Variants in H2BC18 observed in about 807,000 individuals in gnomAD.
The protein encoded by H2BC18 is histone H2B type 2-F.
In H2BC18, 8 loss-of-function variants were observed where a neutral mutation model predicts 6.3. That is an observed-to-expected ratio of 1.28 (90% CI 0.75 to 2.31). The LOEUF is 2.31. H2BC18 is among the 30% of genes most tolerant of loss of function. The probability of loss-of-function intolerance (pLI) is 0.00; values close to 1 mark genes in which losing one functional copy is unlikely to be tolerated. For synonymous variants in H2BC18, 104 were observed against 78.1 expected, an observed-to-expected ratio of 1.33 and a Z score of -1.75; for missense variants, 106 against 174.5, an observed-to-expected ratio of 0.61 and a Z score of 2.21.
At chr1:149,805,088 T>C (rs1553753752) in intron 1 of H2BC18, among the ~76,000 whole-genome samples, 2 of 152,402 alleles carry the variant, frequency 1.3e-5, no homozygotes, top group Admixed American at 1.3e-4. Flanking sequence ...ACCTCTTCTG[T>C]ATCCATCTGG....
chr1:149,806,998 G>A (rs1274620728), downstream of H2BC18, among the ~76,000 whole-genome samples: 2 of 152,036 alleles, frequency 1.3e-5, no homozygotes, highest in Non-Finnish European at 2.9e-5. Flanking sequence ...GTGTACTCTA[G>A]CTGCTTTGTG....
At chr1:149,802,800 G>A (rs1443654991) in intron 1 of H2BC18, among the ~76,000 whole-genome samples, 1 of 152,138 alleles carries the variant, frequency 6.6e-6, no homozygotes, top group Non-Finnish European at 1.5e-5. Flanking sequence ...AAAGAACCTG[G>A]AGTCTGATGT....
rs587603635 is a variant in H2BC18 at position 149,792,656 on chromosome 1, T to C, written c.378-9396A>G. The C allele has an allele frequency of 1.8e-3, 2,297 of 1,276,740 alleles. 105 individuals carry two copies. The highest frequency in any genetic ancestry group is 1.0e-3 in the Non-Finnish European group (1,019 of 983,824). 79.1% of individuals were successfully genotyped at this position (1,276,740 alleles called of 1,614,324 possible). ...GCATATTGCAGCCTCCGCCTGTATCTGGGGGCCGCAGCCGCCAGCGCCCGG... is the reference window on the plus strand; with the variant it reads ...GCATATTGCAGCCTCCGCCTGTATCCGGGGGCCGCAGCCGCCAGCGCCCGG... On this transcript the variant is annotated intron_variant, in intron 1 of 1. Coordinates refer to the H2BC18 transcript ENST00000545683.
chr1:149,799,049 G>A, intron 1 of H2BC18, among the ~76,000 whole-genome samples: 2 of 141,764 alleles, frequency 1.4e-5, no homozygotes, highest in Non-Finnish European at 3.1e-5. Flanking sequence ...TGAATTCCAG[G>A]TTTTCTTTTT....
chr1:149,812,342 A>G lies in H2BC18; in HGVS notation c.-19T>C, dbSNP rs782574887. On this transcript the variant is annotated 5_prime_UTR_variant, in exon 1 of 1. Transcript: ENST00000369167. Reference sequence around the variant, plus strand: ...CCGGCATTTTTGCGCGAAAAAAGAGAAAAGAGACTTAAAGAAGTAATCCGA... The same window carrying G: ...CCGGCATTTTTGCGCGAAAAAAGAGGAAAGAGACTTAAAGAAGTAATCCGA... 2.0e-5 allele frequency: 33 copies of G among 1,614,066 alleles called. 1 individual carries two copies. The South Asian group carries it at 3.4e-4, about 17-fold the overall frequency.
intron 1 of H2BC18, chr1:149,805,348 A>G (rs2091908060): frequency 1.3e-5 from 2 of 152,150 alleles, no homozygotes; most frequent in South Asian, 4.1e-4. Flanking sequence ...GTCCATCTTC[A>G]AGTATCCTTC....
At chr1:149,804,907 C>T (rs1353505577) in intron 1 of H2BC18, among the ~76,000 whole-genome samples, 2 of 151,296 alleles carry the variant, frequency 1.3e-5, no homozygotes, top group African/African-American at 2.4e-5. Flanking sequence ...TCTTACAGTG[C>T]TAAGAGGAGA....
chr1:149,793,276 G>A, intron 1 of H2BC18: 3 of 1,214,178 alleles, frequency 2.5e-6, no homozygotes, highest in Non-Finnish European at 3.1e-6. Flanking sequence ...GGGAGTGGGA[G>A]AGGCCGCCCG....
chr1:149,797,550 A>C (rs2091813563), intron 1 of H2BC18, among the ~76,000 whole-genome samples: 1 of 152,112 alleles, frequency 6.6e-6, no homozygotes, highest in African/African-American at 2.4e-5. Context: ...CTATGCTTTC[A>C]TCTTACTTTA....
At chr1:149,786,656 A>G (rs1376085340) in intron 1 of H2BC18, 1 of 151,998 alleles carries the variant, frequency 6.6e-6, no homozygotes, top group Non-Finnish European at 1.5e-5. Flanking sequence ...TAGGGGAATG[A>G]TTGTTGAGTA....
At chr1:149,799,342 A>G (rs2091835633) in intron 1 of H2BC18, among the ~76,000 whole-genome samples, 1 of 152,186 alleles carries the variant, frequency 6.6e-6, no homozygotes, top group African/African-American at 2.4e-5. Flanking sequence ...TTTTCCCTGA[A>G]TGTGTTTAGA....
At chr1:149,791,287 G>A (rs1553751827) in intron 1 of H2BC18, 3 of 1,604,012 alleles carry the variant, frequency 1.9e-6, no homozygotes, top group South Asian at 1.1e-5. Context: ...CTATCTGGCA[G>A]TGGGAATAAT....
intron 1 of H2BC18, among the ~76,000 whole-genome samples, chr1:149,784,537 A>G (rs1403443956): frequency 6.6e-6 from 1 of 152,106 alleles, no homozygotes; most frequent in Non-Finnish European, 1.5e-5. Flanking sequence ...GCCTGTACAT[A>G]GTAAATAATA....
intron 1 of H2BC18, chr1:149,784,072 T>A: frequency 6.2e-7 from 1 of 1,611,248 alleles, no homozygotes; most frequent in Non-Finnish European, 8.5e-7. Flanking sequence ...ACCGTAACCT[T>A]GCACTGTGAG....
In H2BC18 at chr1:149,785,407, C is replaced by CCTTTT. The variant is rs1553750700; in HGVS notation, c.378-2148_378-2147insAAAAG. ...GTTAGGGAAGCTGACAGAGCTGTTTCGTTTTTTTTTTTTTTTTTTTTTTTT... is the reference window on the plus strand; with the variant it reads ...GTTAGGGAAGCTGACAGAGCTGTTTCCTTTTGTTTTTTTTTTTTTTTTTTTTTTTT... On this transcript the variant is annotated intron_variant, in intron 1 of 1. Transcript: ENST00000545683. 3.3e-3 allele frequency among the ~76,000 whole-genome samples: 244 copies of CCTTTT among 74,506 alleles called. 16 individuals carry two copies. The highest frequency in any genetic ancestry group is 0.014 in the Middle Eastern group (2 of 146). 48.9% of individuals were successfully genotyped at this position (74,506 alleles called of 152,430 possible).
rs1553751852 is a variant in H2BC18 at position 149,791,366 on chromosome 1, T to G, written c.378-8106A>C. The G allele has an allele frequency of 1.3e-5, 20 of 1,580,972 alleles. 3 individuals are homozygous for G. Among genetic ancestry groups the G allele is most frequent in the Non-Finnish European group, 1.7e-5 (20 of 1,160,590 alleles). On this transcript the variant is annotated intron_variant, in intron 1 of 1. Coordinates refer to the H2BC18 transcript ENST00000545683. ...CTGAAAAGAAAGAAAAAGTGGGATT[T>G]AGAAATCTCTTTGGATTCTGGTCAT...
At chr1:149,797,760 G>A (rs2091816747) in intron 1 of H2BC18, among the ~76,000 whole-genome samples, 1 of 152,042 alleles carries the variant, frequency 6.6e-6, no homozygotes, top group South Asian at 2.1e-4. Flanking sequence ...ACGACATCCA[G>A]CTAATTTTTG....
intron 1 of H2BC18, among the ~76,000 whole-genome samples, chr1:149,802,187 T>C (rs1553753442): frequency 6.6e-6 from 1 of 151,986 alleles, no homozygotes; most frequent in Non-Finnish European, 1.5e-5. Flanking sequence ...ATTATGAAAA[T>C]CAGAGGTCAA....
chr1:149,802,137 A>G (rs2091879090), intron 1 of H2BC18, among the ~76,000 whole-genome samples: 1 of 152,174 alleles, frequency 6.6e-6, no homozygotes, highest in African/African-American at 2.4e-5. Context: ...ATTTAAGAAT[A>G]ATTTCCATTA....
Sources: allele counts gnomAD v4.1 joint callset (sites outside exome capture counted in the v4.1 genomes callset), GRCh38; gene constraint gnomAD v4.1.1; transcripts MANE v1.5; gene names NCBI Gene and HGNC (gene_info 2026-07-23, HGNC 2026-07-21).